The following FBXL13 variants were observed in gnomAD, a reference collection of about 807,000 sequenced individuals.
FBXL13 encodes the protein F-box and leucine rich repeat protein 13.
Under a neutral mutation model 83.6 loss-of-function variants are expected in FBXL13, and 67 were observed. That is an observed-to-expected ratio of 0.80 (90% CI 0.66 to 0.98). The LOEUF is 0.98. Ranked by LOEUF, FBXL13 falls within the 50% of genes least tolerant of loss-of-function variation. FBXL13 has a pLI of 0.00. For missense variants in FBXL13, 822 were observed against 866.5 expected, an observed-to-expected ratio of 0.95 and a Z score of 0.64; for synonymous variants, 272 against 299.5, an observed-to-expected ratio of 0.91 and a Z score of 0.95.
intron 2 of FBXL13, among the ~76,000 whole-genome samples, chr7:103,039,922 C>T (rs895948034): frequency 1.3e-5 from 2 of 151,972 alleles, no homozygotes; most frequent in Non-Finnish European, 2.9e-5. Flanking sequence ...CATCAATTAA[C>T]AGGCAAAATA....
At chr7:102,870,366 T>G (rs1017063166) in intron 16 of FBXL13, among the ~76,000 whole-genome samples, 1 of 152,146 alleles carries the variant, frequency 6.6e-6, no homozygotes, top group African/African-American at 2.4e-5. Context: ...TACAAACCCA[T>G]TGATATTGCC....
At position 102,832,832 on chromosome 7, in the gene FBXL13, G is replaced by A. The variant is rs1384246033; in HGVS notation, c.1854+8C>T. On this transcript the variant is annotated splice_region_variant and intron_variant, in intron 18 of 19. Coordinates refer to ENST00000313221, the Ensembl canonical transcript of FBXL13. ...TGGATGTGTTTGAGCCCTGACTCCT[G>A]CACATACCTTTGGACAGCCAGCAAT... 10 of 1,613,950 alleles carry A rather than the reference G, an allele frequency of 6.2e-6. No homozygotes were observed. Among genetic ancestry groups the A allele is most frequent in the Non-Finnish European group, 7.6e-6 (9 of 1,179,998 alleles).
chr7:102,971,889 G>A (rs1478095896), intron 6 of FBXL13, among the ~76,000 whole-genome samples: 1 of 151,798 alleles, frequency 6.6e-6, no homozygotes, highest in African/African-American at 2.4e-5. Context: ...AGCTGGGTGT[G>A]GTGGCATGCA....
chr7:102,851,839 C>T (rs1194128644), intron 17 of FBXL13, among the ~76,000 whole-genome samples: 1 of 152,116 alleles, frequency 6.6e-6, no homozygotes. Context: ...ACTTCCTACA[C>T]ATCACTTAAG....
rs912011527 is a variant in FBXL13, at chr7:102,922,712, C to T, written c.878+3562G>A. Among the ~76,000 whole-genome samples, 6 of 152,288 alleles carry T rather than the reference C, an allele frequency of 3.9e-5. No individual in the cohort carries two copies. The South Asian group carries it at 1.2e-3, about 32-fold the overall frequency. On this transcript the variant is annotated intron_variant, in intron 10 of 19. Coordinates refer to ENST00000313221, the Ensembl canonical transcript of FBXL13. ...TGATGACTGGGCGTGGTGGCTCACG[C>T]CTATAATCCCAGCACTTTGGGAGGC...
chr7:103,074,683 G>A (rs1166083788), upstream of FBXL13: 2 of 1,288,318 alleles, frequency 1.6e-6, no homozygotes, highest in South Asian at 1.2e-5. Context: ...CCGCTGCCAC[G>A]CGTGTCCAGT....
Position 102,932,103 on chromosome 7 carries a change from C to T in FBXL13, c.725-170G>A, listed in dbSNP as rs141808164. On this transcript the variant is annotated intron_variant, in intron 8 of 19. Transcript: ENST00000313221. The stretch of plus-strand genomic sequence containing the variant: ...TCCCCAGAAAAATGGCTTTTTTGGG[C>T]TTCAGAATTAAAATACACAGACATG... 1.3e-4 allele frequency among the ~76,000 whole-genome samples: 20 copies of T among 152,174 alleles called. No individual in the cohort carries two copies. In the East Asian group the frequency reaches 3.5e-3, roughly 26 times the overall value.
At chr7:102,975,991 C>CCA in intron 6 of FBXL13, 1 of 766,374 alleles carries the variant, frequency 1.3e-6, no homozygotes, top group South Asian at 1.3e-5. Flanking sequence ...GGCCACTGGC[C>CCA]CACACAATGC....
chr7:102,825,153 T>C (rs1045476374), intron 18 of FBXL13, among the ~76,000 whole-genome samples: 13 of 152,220 alleles, frequency 8.5e-5, no homozygotes, highest in Admixed American at 2.0e-4. Context: ...ACCCTTAGGA[T>C]AGATTTCAGA....
chr7:103,049,765 C>T (rs988734230), intron 2 of FBXL13, among the ~76,000 whole-genome samples: 3 of 152,254 alleles, frequency 2.0e-5, no homozygotes, highest in South Asian at 2.1e-4. Context: ...TCTTATTACC[C>T]GACTTTAGCC....
At chr7:102,975,772 AG>A (rs1292531405) in intron 6 of FBXL13, 8 of 592,252 alleles carry the variant, frequency 1.4e-5, no homozygotes, top group African/African-American at 1.1e-4. Flanking sequence ...ACTTGACAAC[AG>A]CCCTCAAACC....
chr7:102,978,965 C>A (rs889009963), intron 6 of FBXL13, among the ~76,000 whole-genome samples: 1 of 152,190 alleles, frequency 6.6e-6, no homozygotes, highest in African/African-American at 2.4e-5. Context: ...TCTTCGATTT[C>A]TCAGTGCTCC....
At chr7:103,029,441 A>G (rs1457445061) in intron 2 of FBXL13, 23 bp from the exon 4 acceptor site, 2 of 1,316,126 alleles carry the variant, frequency 1.5e-6, no homozygotes, top group Non-Finnish European at 1.0e-6. Context: ...AATAATTGAA[A>G]TAACAAATAT....
chr7:103,034,543 G>A (rs528981879), intron 2 of FBXL13, among the ~76,000 whole-genome samples: 1 of 152,316 alleles, frequency 6.6e-6, no homozygotes, highest in Non-Finnish European at 1.5e-5. Flanking sequence ...CCGCTGGCCC[G>A]CAAGCACAGT....
Position 103,067,049 on chromosome 7 carries a change from A to ATTT in FBXL13, c.-105+7194_-105+7196dup, listed in dbSNP as rs1037944935. ...ATCTGCCCGCCTCGGCCTCCCAAGA[A>ATTT]TTTTTTTTTTTTTGTCTACTCTTTC... is the stretch of plus-strand genomic sequence containing the variant. On this transcript the variant is annotated intron_variant, in intron 1 of 19. Transcript: ENST00000313221. Among the ~76,000 whole-genome samples the ATTT allele has an allele frequency of 2.7e-5, 4 of 145,534 alleles. No individual in the cohort carries two copies. In the South Asian group the frequency reaches 8.7e-4, roughly 32 times the overall value.
rs1793772952 is a variant in FBXL13 at position 103,025,236 on chromosome 7, A to T, written c.328-6T>A. Reference sequence around the variant, plus strand: ...TGAAGTTCATGTTTTAATATCTGCAATGAAAATAATTTTAAAATTCCATGG... The same window carrying T: ...TGAAGTTCATGTTTTAATATCTGCATTGAAAATAATTTTAAAATTCCATGG... On this transcript the variant is annotated splice_polypyrimidine_tract_variant and splice_region_variant and intron_variant, in intron 5 of 19. Transcript: ENST00000313221. 2 of 1,543,404 alleles carry T rather than the reference A, an allele frequency of 1.3e-6. No individual in the cohort carries two copies. Among genetic ancestry groups the T allele is most frequent in the African/African-American group, 2.7e-5 (2 of 72,778 alleles).
chr7:103,046,046 T>C (rs1336009684), intron 2 of FBXL13, among the ~76,000 whole-genome samples: 2 of 152,336 alleles, frequency 1.3e-5, no homozygotes, highest in South Asian at 2.1e-4. Context: ...CTCAGGAGGA[T>C]AATACCAAGA....
intron 11 of FBXL13, among the ~76,000 whole-genome samples, chr7:102,901,586 C>G (rs55766360): frequency 6.6e-6 from 1 of 152,086 alleles, no homozygotes; most frequent in Non-Finnish European, 1.5e-5. Context: ...GGTAATCATC[C>G]TTCTACTCTC....
intron 16 of FBXL13, among the ~76,000 whole-genome samples, chr7:102,866,688 A>T (rs1466786306): frequency 6.6e-6 from 1 of 152,162 alleles, no homozygotes; most frequent in Non-Finnish European, 1.5e-5. Context: ...TTGTATCATC[A>T]GATTAAGACA....
Sources: allele counts gnomAD v4.1 joint callset (sites outside exome capture counted in the v4.1 genomes callset), GRCh38; gene constraint gnomAD v4.1.1; transcripts MANE v1.5; gene names NCBI Gene and HGNC (gene_info 2026-07-23, HGNC 2026-07-21).